The following FER variants were observed in gnomAD, a reference collection of about 807,000 sequenced individuals.
The protein encoded by FER is tyrosine-protein kinase Fer.
In FER, 63 loss-of-function variants were observed where a neutral mutation model predicts 111.0. The ratio of observed to expected loss-of-function variants is 0.57; its 90% CI spans 0.46 to 0.70. The LOEUF (loss-of-function observed/expected upper bound fraction) is 0.70, where lower values mean the gene tolerates loss of function less well. Ranked by LOEUF, FER falls within the 30% of genes least tolerant of loss-of-function variation. The pLI is 0.00. For missense variants in FER, 914 were observed against 954.0 expected, an observed-to-expected ratio of 0.96 and a Z score of 0.55; for synonymous variants, 327 against 313.9, an observed-to-expected ratio of 1.04 and a Z score of -0.44.
chr5:108,944,138 CACAA>C (rs1420722773), intron 10 of FER, among the ~76,000 whole-genome samples: 1 of 149,504 alleles, frequency 6.7e-6, no homozygotes, highest in Non-Finnish European at 1.5e-5. Context: ...CACACACACA[CACAA>C]ACACACACAC....
intron 17 of FER, among the ~76,000 whole-genome samples, chr5:109,168,872 T>C (rs1475245981): frequency 6.6e-6 from 1 of 152,218 alleles, no homozygotes; most frequent in Admixed American, 6.5e-5. Flanking sequence ...ATTTGGAAAT[T>C]GCTATAAATT....
chr5:109,001,016 CT>C (rs1395316315), intron 13 of FER, among the ~76,000 whole-genome samples: 2 of 152,120 alleles, frequency 1.3e-5, no homozygotes, highest in African/African-American at 4.8e-5. Flanking sequence ...TAATCAATAG[CT>C]TACCAACCAA....
intron 9 of FER, among the ~76,000 whole-genome samples, chr5:108,893,732 A>T (rs1748569562): frequency 6.6e-6 from 1 of 152,126 alleles, no homozygotes; most frequent in South Asian, 2.1e-4. Flanking sequence ...TGTGTGGGGC[A>T]AGCAAAAGGA....
intron 17 of FER, among the ~76,000 whole-genome samples, chr5:109,147,724 C>T (rs1462353316): frequency 6.7e-6 from 1 of 150,344 alleles, no homozygotes; most frequent in Admixed American, 6.7e-5. Context: ...AGTATCAGTG[C>T]ATACAAACAT....
rs567286852 is a variant in FER, at chr5:109,115,689, C to T, written c.2048+15170C>T. 9.6e-5 allele frequency among the ~76,000 whole-genome samples: 14 copies of T among 146,242 alleles called. No homozygotes were observed. In the South Asian group the frequency reaches 1.5e-3, roughly 16 times the overall value. On this transcript the variant is annotated intron_variant, in intron 17 of 19. Coordinates refer to ENST00000281092, the MANE Select transcript of FER (RefSeq NM_005246.4). ...TGTTTGTTTGTTTGTTTGTTTGGCA[C>T]GACTCCTCTGTTCTTTCAGAAAAAT...
intron 3 of FER, among the ~76,000 whole-genome samples, chr5:108,822,721 T>TAA (rs1758994247): frequency 7.6e-6 from 1 of 130,966 alleles, no homozygotes; most frequent in Non-Finnish European, 1.6e-5. Context: ...TTATTTTATT[T>TAA]TATTTTATTT....
rs1759495898 is a variant in FER, at chr5:109,193,133, A to G, written c.*5558A>G. The G allele has an allele frequency of 6.6e-6, 1 of 152,142 alleles. No homozygotes were observed. Among genetic ancestry groups the G allele is most frequent in the Non-Finnish European group, 1.5e-5 (1 of 68,038 alleles). The allele number at this position is 152,142 out of a possible 1,614,324, so 9.4% of individuals were successfully genotyped here. A position where few individuals can be genotyped will look rare whatever the true frequency, so the allele number is the denominator to read the frequency against. On this transcript the variant is annotated 3_prime_UTR_variant, in exon 20 of 20. Coordinates refer to ENST00000281092, the MANE Select transcript of FER (RefSeq NM_005246.4). Reference sequence around the variant, plus strand: ...TCTCTACAACACTTTTTTAAAGGGCATTGAATTGGACATTGGTTTAATTTT... The same window carrying G: ...TCTCTACAACACTTTTTTAAAGGGCGTTGAATTGGACATTGGTTTAATTTT...
At position 108,768,156 on chromosome 5, in the gene FER, A is replaced by G. The variant is rs1166781780; in HGVS notation, c.-142A>G. ...GACTTCACTGCACGTTTTCTCAAGTATCTTCTTTGTCCCTAATGTGTGACA... is the reference window on the plus strand; with the variant it reads ...GACTTCACTGCACGTTTTCTCAAGTGTCTTCTTTGTCCCTAATGTGTGACA... On this transcript the variant is annotated 5_prime_UTR_variant, in exon 2 of 20. Transcript: ENST00000281092. 1 of 152,176 alleles carries G rather than the reference A, an allele frequency of 6.6e-6. No individual in the cohort carries two copies. The highest frequency in any genetic ancestry group is 2.1e-4 in the South Asian group (1 of 4,834). The allele number at this position is 152,176 out of a possible 1,614,324, so 9.4% of individuals were successfully genotyped here. A position where few individuals can be genotyped will look rare whatever the true frequency, so the allele number is the denominator to read the frequency against.
chr5:109,042,398 C>T (rs186112333), intron 14 of FER, among the ~76,000 whole-genome samples: 12 of 152,046 alleles, frequency 7.9e-5, no homozygotes, highest in African/African-American at 1.4e-4. Flanking sequence ...CAAAGGTTTG[C>T]GTTGAATGAT....
intron 17 of FER, among the ~76,000 whole-genome samples, chr5:109,140,343 A>G (rs185158880): frequency 4.8e-4 from 73 of 152,320 alleles, no homozygotes; most frequent in Admixed American, 1.1e-3. Context: ...TTGGCATCTA[A>G]CCACAGCATT....
At chr5:109,182,831 C>T (rs1201505525) in intron 18 of FER, among the ~76,000 whole-genome samples, 1 of 152,110 alleles carries the variant, frequency 6.6e-6, no homozygotes, top group Non-Finnish European at 1.5e-5. Context: ...GTAATAAGGA[C>T]AAGTCAAGTC....
At chr5:109,067,171 C>A (rs17450096) in intron 16 of FER, among the ~76,000 whole-genome samples, 2,052 of 152,200 alleles carry the variant, frequency 0.013, 18 homozygotes, top group Non-Finnish European at 0.02. Context: ...TCAGGGTAAG[C>A]AACTGGATTT....
intron 3 of FER, among the ~76,000 whole-genome samples, chr5:108,828,652 A>G (rs776109117): frequency 2.1e-4 from 32 of 152,120 alleles, no homozygotes; most frequent in Non-Finnish European, 3.2e-4. Context: ...TTACTTTTTA[A>G]TATTTTTTAA....
intron 16 of FER, among the ~76,000 whole-genome samples, chr5:109,084,834 T>C (rs575067021): frequency 1.3e-5 from 2 of 152,052 alleles, no homozygotes; most frequent in South Asian, 4.1e-4. Context: ...TTCTTTCAAC[T>C]ATCAATTCTT....
intron 2 of FER, among the ~76,000 whole-genome samples, chr5:108,777,455 A>G (rs1753615906): frequency 6.6e-6 from 1 of 152,200 alleles, no homozygotes; most frequent in African/African-American, 2.4e-5. Flanking sequence ...ACTGTAGTTT[A>G]CATTAGGGTT....
At chr5:108,927,959 T>C (rs1183437636) in intron 10 of FER, among the ~76,000 whole-genome samples, 2 of 152,348 alleles carry the variant, frequency 1.3e-5, no homozygotes, top group East Asian at 3.9e-4. Flanking sequence ...CTGCTTACTT[T>C]ACTTATGAAT....
At chr5:109,113,815 A>T (rs1009430150) in intron 17 of FER, among the ~76,000 whole-genome samples, 1 of 152,186 alleles carries the variant, frequency 6.6e-6, no homozygotes, top group African/African-American at 2.4e-5. Context: ...TTACTCATGG[A>T]TAATGATATT....
At chr5:109,001,900 C>G (rs1299356382) in intron 13 of FER, among the ~76,000 whole-genome samples, 1 of 151,920 alleles carries the variant, frequency 6.6e-6, no homozygotes, top group Non-Finnish European at 1.5e-5. Flanking sequence ...TCAAAGAGAA[C>G]AAAATACCTA....
At chr5:108,835,883 T>C (rs1367907797) in intron 5 of FER, 76 bp downstream of exon 5, 1 of 779,908 alleles carries the variant, frequency 1.3e-6, no homozygotes, top group African/African-American at 1.8e-5. Flanking sequence ...TTGTAAGTAG[T>C]GGAATGATTC....
Sources: gnomAD v4.1 joint callset for allele counts (sites outside exome capture counted in the v4.1 genomes callset) on GRCh38, gnomAD v4.1.1 for gene constraint, MANE v1.5 for transcripts, NCBI Gene and HGNC (gene_info 2026-07-23, HGNC 2026-07-21) for gene names.